SYNE2: variants seen among roughly 807,000 people sequenced by gnomAD.
SYNE2 encodes nesprin-2.
In SYNE2, 431 loss-of-function variants were observed where a neutral mutation model predicts 856.3. The ratio of observed to expected loss-of-function variants is 0.50; its 90% CI spans 0.47 to 0.55. The LOEUF is 0.55. SYNE2 is among the 20% of genes least tolerant of loss of function. The pLI is 0.00. For synonymous variants in SYNE2, 2,923 were observed against 2,872.3 expected, an observed-to-expected ratio of 1.02 and a Z score of -0.56; for missense variants, 8,129 against 8,023.2, an observed-to-expected ratio of 1.01 and a Z score of -0.50.
intron 100 of SYNE2, among the ~76,000 whole-genome samples, chr14:64,207,297 G>A (rs2098610004): frequency 6.6e-6 from 1 of 152,208 alleles, no homozygotes; most frequent in South Asian, 2.1e-4. Flanking sequence ...AATAGGGGCT[G>A]GGCGTGGTGG....
In SYNE2 at chr14:64,167,487, C is replaced by A; in HGVS notation, c.16761-8C>A. 6 of 1,614,136 alleles carry A rather than the reference C, an allele frequency of 3.7e-6. No individual in the cohort carries two copies. Among genetic ancestry groups the A allele is most frequent in the Non-Finnish European group, 4.2e-6 (5 of 1,180,024 alleles). On this transcript the variant is annotated splice_region_variant and splice_polypyrimidine_tract_variant and intron_variant, in intron 91 of 115. Transcript: ENST00000555002. ...AACATGGGTGTGTTTTGTTTTAAAC[C>A]TTTGTAGTGAGCTTCAGGGAATTGG...
intron 79 of SYNE2, among the ~76,000 whole-genome samples, chr14:64,139,617 T>G (rs2098124957): frequency 6.6e-6 from 1 of 151,862 alleles, no homozygotes. Flanking sequence ...TTTACCATGT[T>G]TTTCAGGCTG....
At chr14:64,004,645 A>C (rs1158047018) in intron 30 of SYNE2, among the ~76,000 whole-genome samples, 1 of 151,958 alleles carries the variant, frequency 6.6e-6, no homozygotes, top group African/African-American at 2.4e-5. Context: ...CCCCCTTTCT[A>C]AATCTGTCTC....
chr14:64,022,717 T>C, intron 37 of SYNE2, 34 bp from the exon 38 acceptor site: 2 of 1,118,192 alleles, frequency 1.8e-6, no homozygotes, highest in Non-Finnish European at 2.7e-6. Flanking sequence ...GAAGTCTTCC[T>C]TGAATGAATA....
chr14:63,771,316 C>T (rs1369515456), intron 1 of SYNE2, among the ~76,000 whole-genome samples: 1 of 151,784 alleles, frequency 6.6e-6, no homozygotes, highest in Non-Finnish European at 1.5e-5. Flanking sequence ...GTGATCCGCC[C>T]GCCTCGGCCT....
chr14:64,013,218 C>CA (rs973942744), intron 32 of SYNE2, among the ~76,000 whole-genome samples: 15 of 150,968 alleles, frequency 9.9e-5, no homozygotes, highest in African/African-American at 2.7e-4. Flanking sequence ...TCTTTGCAGG[C>CA]AAAAAAATTT....
chr14:64,078,591 T>C lies in SYNE2; in HGVS notation c.11148T>C (p.Ala3716=). ...LQQKSKNIEK[A]QEIQKKMWDE... is the part of the protein sequence containing the mutation. ...AGAAAAGCAAAAATATTGAGAAAGC[T>C]CAAGAAATTCAAAAGGTAAAATCCT... The change falls in exon 55 of 116, where the codon GCT becomes GCC. Residue 3716 remains alanine (A), a synonymous_variant. Coordinates refer to ENST00000555002, the MANE Select transcript of SYNE2 (RefSeq NM_182914.3). 1 of 1,614,014 alleles carries C rather than the reference T, an allele frequency of 6.2e-7. No individual in the cohort carries two copies. Among genetic ancestry groups the C allele is most frequent in the East Asian group, 2.2e-5 (1 of 44,868 alleles).
intron 2 of SYNE2, among the ~76,000 whole-genome samples, chr14:63,931,379 G>C (rs903761933): frequency 6.6e-6 from 1 of 151,806 alleles, no homozygotes; most frequent in African/African-American, 2.4e-5. Flanking sequence ...GTGAAACCCC[G>C]TCTGTACTAA....
At chr14:63,907,275 A>G (rs771157678) in intron 1 of SYNE2, among the ~76,000 whole-genome samples, 105 of 152,358 alleles carry the variant, frequency 6.9e-4, no homozygotes, top group Non-Finnish European at 1.3e-3. Flanking sequence ...CAAATGAATG[A>G]AAACAAAAAT....
intron 1 of SYNE2, among the ~76,000 whole-genome samples, chr14:63,856,892 C>T (rs574580959): frequency 1.3e-5 from 2 of 152,172 alleles, no homozygotes; most frequent in Non-Finnish European, 2.9e-5. Flanking sequence ...CCACCCCGGC[C>T]TCCCAAGTAA....
chr14:64,118,562 A>T (rs911490410), intron 66 of SYNE2, among the ~76,000 whole-genome samples: 1 of 152,210 alleles, frequency 6.6e-6, no homozygotes, highest in Non-Finnish European at 1.5e-5. Flanking sequence ...GGATTGCAAC[A>T]TAAAAGATTA....
chr14:63,978,427 T>G lies in SYNE2; in HGVS notation c.1406+410T>G, dbSNP rs1052646217. Among the ~76,000 whole-genome samples, 4 of 152,336 alleles carry G rather than the reference T, an allele frequency of 2.6e-5. No homozygotes were observed. In the South Asian group the frequency reaches 6.2e-4, roughly 24 times the overall value. On this transcript the variant is annotated intron_variant, in intron 13 of 115. Transcript: ENST00000555002. ...AAAATACTACAAATATTGAGATTAT[T>G]TAATTCATTATCTTTTCTTATTACT... is the stretch of plus-strand genomic sequence containing the variant.
intron 80 of SYNE2, 133 bp from the exon 81 acceptor site, chr14:64,141,206 AGG>A: frequency 3.0e-6 from 2 of 668,228 alleles, no homozygotes; most frequent in Non-Finnish European, 5.0e-6. Flanking sequence ...AGTAGGAAAA[AGG>A]GGTGTGTGTG....
chr14:63,954,717 A>G lies in SYNE2; in HGVS notation c.591-2A>G. ...TGTCATGTTTTTGTCTTTTTATGAT[A>G]GCTATGAGTCTGTCAATGTGACCGA... On this transcript the variant is annotated splice_acceptor_variant, in intron 7 of 115. Coordinates refer to ENST00000555002, the MANE Select transcript of SYNE2 (RefSeq NM_182914.3). LOFTEE classifies it high-confidence loss of function. 6.2e-7 allele frequency: 1 copy of G among 1,613,850 alleles called. No individual in the cohort carries two copies. Among genetic ancestry groups the G allele is most frequent in the Non-Finnish European group, 8.5e-7 (1 of 1,179,844 alleles).
In SYNE2 at chr14:63,860,765, T is replaced by C. The variant is rs563299071; in HGVS notation, c.-52+7622T>C. Among the ~76,000 whole-genome samples the C allele has an allele frequency of 2.0e-5, 3 of 152,350 alleles. No individual in the cohort carries two copies. The South Asian group carries it at 6.2e-4, about 32-fold the overall frequency. On this transcript the variant is annotated intron_variant, in intron 1 of 115. Coordinates refer to ENST00000555002, the MANE Select transcript of SYNE2 (RefSeq NM_182914.3). ...AATTATTTTTTAAATACTTATTGAA[T>C]CTGGGCTCTGACACACAGGTAAAAG...
rs2098712326 is a variant in SYNE2 at position 64,225,020 on chromosome 14, G to A, written c.20491G>A (p.Glu6831Lys). 1.2e-6 allele frequency: 2 copies of A among 1,613,720 alleles called. No homozygotes were observed. Among genetic ancestry groups the A allele is most frequent in the Admixed American group, 1.7e-5 (1 of 59,968 alleles). ...GCAGTTCAGAGCAGTGAGAACTACA[G>A]AAGGCGAGGAGGAGACAGAGAGCAG... Reference protein sequence around the residue: ...RAKFRAVRTTEGEEETESRVP... With the variant: ...RAKFRAVRTTKGEEETESRVP... The change falls in exon 115 of 116, where the codon GAA becomes AAA. Residue 6831 changes from glutamate to lysine, a missense_variant. Glu to Lys is a moderately conservative substitution (Grantham distance 56). Around this residue, in one of 3 missense-constraint regions of SYNE2, gnomAD observed 5,410 missense variants for 5,284.8 expected, o/e 1.02. Transcript: ENST00000555002.
At chr14:64,086,140 A>T (rs1408108067) in intron 57 of SYNE2, among the ~76,000 whole-genome samples, 1 of 152,150 alleles carries the variant, frequency 6.6e-6, no homozygotes, top group African/African-American at 2.4e-5. Context: ...GATAGTTTTA[A>T]CTCTTACTCT....
At position 64,009,998 on chromosome 14, in the gene SYNE2, TAAAAC is replaced by T. The variant is rs1204856650; in HGVS notation, c.4613_4617del (p.Lys1538IlefsTer5). 2 of 1,613,988 alleles carry T rather than the reference TAAAAC, an allele frequency of 1.2e-6. No homozygotes were observed. The highest frequency in any genetic ancestry group is 1.7e-6 in the Non-Finnish European group (2 of 1,179,950). On this transcript the variant is annotated frameshift_variant, in exon 32 of 116. Transcript: ENST00000555002. LOFTEE classifies it high-confidence loss of function. ...CAATGTGGGAGAGTTTTGGAGCTCT[TAAAAC>T]AATATCAGAATTTTAAAAGCATCTT... is the stretch of plus-strand genomic sequence containing the variant.
chr14:63,766,935 G>T (rs1886707499), intron 1 of SYNE2, among the ~76,000 whole-genome samples: 3 of 151,866 alleles, frequency 2.0e-5, no homozygotes. Flanking sequence ...AAGATGCAAT[G>T]GGCAGAAGTT....
Sources: allele counts gnomAD v4.1 joint callset (sites outside exome capture counted in the v4.1 genomes callset), GRCh38; gene constraint gnomAD v4.1.1; regional missense constraint gnomAD v4.1.1; transcripts MANE v1.5; gene names NCBI Gene and HGNC (gene_info 2026-07-23, HGNC 2026-07-21).